The following TERF2 variants were observed in gnomAD, a reference collection of about 807,000 sequenced individuals.
TERF2 encodes telomeric repeat binding factor 2.
Under a neutral mutation model 56.1 loss-of-function variants are expected in TERF2, and 16 were observed. The ratio of observed to expected loss-of-function variants is 0.29; its 90% CI spans 0.19 to 0.43. The LOEUF is 0.43. Ranked by LOEUF, TERF2 falls within the 20% of genes least tolerant of loss-of-function variation. The pLI, the probability that TERF2 is intolerant of heterozygous loss-of-function variation, is 1.00. For synonymous variants in TERF2, 296 were observed against 282.1 expected, an observed-to-expected ratio of 1.05 and a Z score of -0.50; for missense variants, 547 against 712.9, an observed-to-expected ratio of 0.77 and a Z score of 2.65.
chr16:69,380,213 C>G (rs971350439), intron 3 of TERF2, among the ~76,000 whole-genome samples: 3 of 152,038 alleles, frequency 2.0e-5, no homozygotes, highest in African/African-American at 7.2e-5. Flanking sequence ...ATGCCCTACC[C>G]TTGGTTAAGG....
chr16:69,372,239 G>T, intron 4 of TERF2, 30 bp downstream of exon 4: 1 of 1,518,236 alleles, frequency 6.6e-7, no homozygotes, highest in Non-Finnish European at 9.0e-7. Context: ...ATGAATTTAA[G>T]TCACAGGAGC....
intron 8 of TERF2, 128 bp downstream of exon 8, chr16:69,361,276 G>T: frequency 1.7e-5 from 11 of 664,280 alleles, no homozygotes; most frequent in African/African-American, 3.7e-5. Flanking sequence ...GAATTAAAAT[G>T]AGATCGGGAA....
chr16:69,361,444 C>G lies in TERF2; in HGVS notation c.1386G>C (p.Lys462Asn). ...GTTCATCCTCTTCCACCCAAGTCTC[C>G]TTTTCTTCAACCCCATTAGAGCTGT... ...KWNSSNGVEE[K>N]ETWVEEDELF... is the part of the protein sequence containing the mutation. Residue 462 changes from lysine (K) to asparagine (N), a missense_variant, in exon 8 of 10, where the codon AAG (lysine) becomes AAC (asparagine). Lys to Asn is a moderately conservative substitution (Grantham distance 94). Transcript: ENST00000254942. The G allele has an allele frequency of 6.2e-7, 1 of 1,614,096 alleles. No homozygotes were observed. Among genetic ancestry groups the G allele is most frequent in the Non-Finnish European group, 8.5e-7 (1 of 1,179,982 alleles).
rs1447318242 is a variant in TERF2, at chr16:69,355,900, A to ACAGGGGG, written c.*991_*997dup. On this transcript the variant is annotated 3_prime_UTR_variant, in exon 10 of 10. Transcript: ENST00000254942. Reference sequence around the variant, plus strand: ...AGGGAATTGGGAAAAGAGGCAGGGGACAGGGGGCAGGGGATCAGGGAACTA... The same window carrying ACAGGGGG: ...AGGGAATTGGGAAAAGAGGCAGGGGACAGGGGGCAGGGGGCAGGGGATCAGGGAACTA... 6.2e-6 allele frequency: 1 copy of ACAGGGGG among 161,650 alleles called. No individual in the cohort carries two copies. The highest frequency in any genetic ancestry group is 2.4e-5 in the African/African-American group (1 of 41,622). The allele number at this position is 161,650 out of a possible 1,614,324, so 10.0% of individuals were successfully genotyped here. A position where few individuals can be genotyped will look rare whatever the true frequency, so the allele number is the denominator to read the frequency against.
At chr16:69,370,721 C>T in intron 4 of TERF2, 92 bp from the exon 5 acceptor site, 1 of 1,288,332 alleles carries the variant, frequency 7.8e-7, no homozygotes, top group Non-Finnish European at 1.1e-6. Context: ...ATGAGAACTT[C>T]TGCAATGCCG....
intron 1 of TERF2, 25 bp downstream of exon 1, chr16:69,385,568 C>T (rs1295719449): frequency 1.3e-6 from 2 of 1,573,224 alleles, no homozygotes; most frequent in Admixed American, 1.7e-5. Context: ...GCGCTCCAAC[C>T]CCCCTCCCCC....
intron 5 of TERF2, among the ~76,000 whole-genome samples, chr16:69,369,439 C>T (rs2013482277): frequency 1.3e-5 from 2 of 152,172 alleles, no homozygotes; most frequent in African/African-American, 2.4e-5. Flanking sequence ...GCTGGGACTA[C>T]AGGCACGCGC....
intron 4 of TERF2, 151 bp from the exon 5 acceptor site, chr16:69,370,780 G>A: frequency 2.6e-6 from 2 of 755,804 alleles, no homozygotes; most frequent in Non-Finnish European, 4.2e-6. Flanking sequence ...CCAACACAAA[G>A]GATTGGTCAA....
In TERF2 at chr16:69,372,292, T is replaced by G; in HGVS notation, c.670A>C (p.Met224Leu). Residue 224 changes from methionine (M) to leucine (L), a missense_variant, in exon 4 of 10, where the codon ATG (methionine) becomes CTG (leucine). Physicochemically the swap from Met to Leu is conservative, Grantham distance 15. Transcript: ENST00000254942. ...EKASKILKKH[M>L]SKDPTTQKLR... ...ACCTGAGTTGTGGGGTCCTTGGACA[T>G]ATGTTTTTTCAAAATTTTTGAAGCC... 6.2e-7 allele frequency: 1 copy of G among 1,611,748 alleles called. No individual in the cohort carries two copies. The highest frequency in any genetic ancestry group is 8.5e-7 in the Non-Finnish European group (1 of 1,179,090).
At position 69,385,618 on chromosome 16, in the gene TERF2, G is replaced by T; in HGVS notation, c.354C>A (p.Phe118Leu). 1 of 1,605,922 alleles carries T rather than the reference G, an allele frequency of 6.2e-7. No homozygotes were observed. The highest frequency in any genetic ancestry group is 8.5e-7 in the Non-Finnish European group (1 of 1,178,726). The change falls in exon 1 of 10, where the codon TTC (phenylalanine) becomes TTA (leucine). Residue 118 changes from phenylalanine (F) to leucine (L), a missense_variant. By Grantham distance (22) the Phe-to-Leu change is conservative. Around this residue, in one of 6 missense-constraint regions of TERF2, gnomAD observed 120 missense variants for 172.4 expected, o/e 0.70. Coordinates refer to ENST00000254942, the MANE Select transcript of TERF2 (RefSeq NM_005652.5). ...CCTGCATGATGTCCCGGATCTGTCT[G>T]AAGTCCCCGTACCGGCTACCCCGAA... is the stretch of plus-strand genomic sequence containing the variant. ...RAFRGSRYGDFRQIRDIMQAL... is the reference protein window; with the variant it reads ...RAFRGSRYGDLRQIRDIMQAL...
intron 3 of TERF2, among the ~76,000 whole-genome samples, chr16:69,380,567 G>A (rs1172638720): frequency 1.3e-5 from 2 of 150,352 alleles, no homozygotes; most frequent in East Asian, 2.0e-4. Flanking sequence ...CTGAGGTGTA[G>A]AACTGCTTGA....
intron 4 of TERF2, among the ~76,000 whole-genome samples, chr16:69,371,084 C>T (rs556084656): frequency 4.0e-5 from 6 of 151,756 alleles, no homozygotes; most frequent in Admixed American, 3.9e-4. Context: ...AAATTGGTTG[C>T]CTCTGAAGGG....
rs1245730132 is a variant in TERF2, at chr16:69,355,970, AC to A, written c.*927del. On this transcript the variant is annotated 3_prime_UTR_variant, in exon 10 of 10. Coordinates refer to ENST00000254942, the MANE Select transcript of TERF2 (RefSeq NM_005652.5). ...TTTTACCAAAAAACACACTGGTTCA[AC>A]CACATGAGAAGTGGAGGATTAACCT... 1.3e-5 allele frequency: 3 copies of A among 227,932 alleles called. No homozygotes were observed. Among genetic ancestry groups the A allele is most frequent in the African/African-American group, 6.9e-5 (3 of 43,172 alleles). The allele number at this position is 227,932 out of a possible 1,614,324, so 14.1% of individuals were successfully genotyped here.
At chr16:69,357,701 G>C in intron 8 of TERF2, 140 bp from the exon 9 acceptor site, 1 of 971,266 alleles carries the variant, frequency 1.0e-6, no homozygotes, top group Non-Finnish European at 1.5e-6. Flanking sequence ...ATCACTAAAG[G>C]ATAATTTACT....
Position 69,370,142 on chromosome 16 carries a change from T to A in TERF2, c.840+341A>T, listed in dbSNP as rs552749282. On this transcript the variant is annotated intron_variant, in intron 5 of 9. Coordinates refer to ENST00000254942, the MANE Select transcript of TERF2 (RefSeq NM_005652.5). ...ATCTCCTGGGTTCAAGCGATTCTCC[T>A]GCCTCAGCCTCCAAAGTAGCTAGGA... The A allele has an allele frequency of 3.1e-3, 890 of 286,450 alleles. 4 individuals carry two copies. The highest frequency in any genetic ancestry group is 4.0e-3 in the Middle Eastern group (4 of 996). 17.7% of individuals were successfully genotyped at this position (286,450 alleles called of 1,614,324 possible).
At chr16:69,361,616 C>A in intron 7 of TERF2, 127 bp from the exon 8 acceptor site, 1 of 689,270 alleles carries the variant, frequency 1.5e-6, no homozygotes, top group Non-Finnish European at 2.6e-6. Context: ...TCGAGGTTCG[C>A]CTGCATGCAC....
chr16:69,367,212 C>A lies in TERF2; in HGVS notation c.948-13G>T. 6.3e-7 allele frequency: 1 copy of A among 1,589,260 alleles called. No homozygotes were observed. Among genetic ancestry groups the A allele is most frequent in the Non-Finnish European group, 8.6e-7 (1 of 1,165,224 alleles). On this transcript the variant is annotated splice_polypyrimidine_tract_variant and intron_variant, in intron 6 of 9. Transcript: ENST00000254942. ...ATTCCGTAGCTGCCTGCAAATCAAG[C>A]ATAGGCACAAAGATGTTTTTCACCA...
In TERF2 at chr16:69,356,957, G is replaced by A; in HGVS notation, c.1570C>T (p.Arg524Ter). ...CGATCCTTAATCATCACAGCTGTTC[G>A]GTTAACAAATGGGTAATTTTTAGAA... is the stretch of plus-strand genomic sequence containing the variant. The part of the protein sequence containing the change: ...AISKNYPFVN[R>*]TAVMIKDRWR... Residue 524 changes from arginine to a stop codon, truncating the protein, a stop_gained, in exon 10 of 10, where the codon CGA becomes TGA. Coordinates refer to ENST00000254942, the MANE Select transcript of TERF2 (RefSeq NM_005652.5). LOFTEE classifies it high-confidence loss of function. 1 of 1,614,006 alleles carries A rather than the reference G, an allele frequency of 6.2e-7. No homozygotes were observed. The highest frequency in any genetic ancestry group is 8.5e-7 in the Non-Finnish European group (1 of 1,180,012).
Position 69,355,963 on chromosome 16 carries a change from T to G in TERF2, c.*935A>C, listed in dbSNP as rs1006267379. ...ATCACCATTTTACCAAAAAACACAC[T>G]GGTTCAACCACATGAGAAGTGGAGG... On this transcript the variant is annotated 3_prime_UTR_variant, in exon 10 of 10. Coordinates refer to ENST00000254942, the MANE Select transcript of TERF2 (RefSeq NM_005652.5). 4 of 200,436 alleles carry G rather than the reference T, an allele frequency of 2.0e-5. No individual in the cohort carries two copies. Among genetic ancestry groups the G allele is most frequent in the African/African-American group, 4.7e-5 (2 of 42,472 alleles). The allele number at this position is 200,436 out of a possible 1,614,324, so 12.4% of individuals were successfully genotyped here.
Sources: allele counts gnomAD v4.1 joint callset (sites outside exome capture counted in the v4.1 genomes callset), GRCh38; gene constraint gnomAD v4.1.1; regional missense constraint gnomAD v4.1.1; transcripts MANE v1.5; gene names NCBI Gene and HGNC (gene_info 2026-07-23, HGNC 2026-07-21).